Variants in SIPA1L1 observed in about 807,000 individuals in gnomAD.
SIPA1L1 encodes signal induced proliferation associated 1 like 1.
Under a neutral mutation model 162.7 loss-of-function variants are expected in SIPA1L1, and 26 were observed. The ratio of observed to expected loss-of-function variants is 0.16; its 90% CI spans 0.12 to 0.22. The LOEUF (loss-of-function observed/expected upper bound fraction) is 0.22. Ranked by LOEUF, SIPA1L1 falls within the 10% of genes least tolerant of loss-of-function variation. The pLI is 1.00. For synonymous variants in SIPA1L1, 829 were observed against 837.4 expected (o/e 0.99, Z 0.17); for missense variants, 1,874 against 2,241.0 (o/e 0.84, Z 3.31).
chr14:71,739,894 A>G lies in SIPA1L1; in HGVS notation c.*733A>G, dbSNP rs184691564. 6.6e-6 allele frequency: 1 copy of G among 151,750 alleles called. No individual in the cohort carries two copies. Among genetic ancestry groups the G allele is most frequent in the African/African-American group, 2.4e-5 (1 of 41,252 alleles). 9.4% of individuals were successfully genotyped at this position (151,750 alleles called of 1,614,324 possible). A position where few individuals can be genotyped will look rare whatever the true frequency, so the allele number is the denominator to read the frequency against. ...AAGATGGTCCCACTTGTGCTGCAAG[A>G]CTCTTTTTTGTTTGGCTTAATTGAG... On this transcript the variant is annotated 3_prime_UTR_variant, in exon 24 of 24. Transcript: ENST00000381232.
rs976868567 is a variant in SIPA1L1, at chr14:71,358,043, G to A, written c.-465+36862G>A. 2.2e-4 allele frequency among the ~76,000 whole-genome samples: 34 copies of A among 152,102 alleles called. 1 individual carries two copies. Among genetic ancestry groups the A allele is most frequent in the Middle Eastern group, 3.4e-3 (1 of 294 alleles). ...CCTGGCCTCTATTTTTTGTATTTTT[G>A]TAGAGACGGGTTTTGCCATGTTGCC... is the stretch of plus-strand genomic sequence containing the variant. On this transcript the variant is annotated intron_variant, in intron 2 of 23. Coordinates refer to ENST00000381232, the MANE Select transcript of SIPA1L1 (RefSeq NM_001386936.1).
chr14:71,730,806 G>A (rs1364280826), intron 20 of SIPA1L1, among the ~76,000 whole-genome samples: 1 of 152,200 alleles, frequency 6.6e-6, no homozygotes, highest in African/African-American at 2.4e-5. Flanking sequence ...TAAGGAAAAG[G>A]TTTGTGGATG....
intron 10 of SIPA1L1, among the ~76,000 whole-genome samples, 157 bp downstream of exon 10, chr14:71,661,624 A>T (rs1177318914): frequency 6.6e-6 from 1 of 152,142 alleles, no homozygotes; most frequent in African/African-American, 2.4e-5. Flanking sequence ...TCACATGATG[A>T]TGTAATCTGG....
intron 4 of SIPA1L1, among the ~76,000 whole-genome samples, chr14:71,576,811 T>C (rs1014395656): frequency 6.6e-6 from 1 of 152,044 alleles, no homozygotes; most frequent in Admixed American, 6.5e-5. Flanking sequence ...AGGGGCCAGG[T>C]GCAGTAGCTC....
rs554784800 is a variant in SIPA1L1, at chr14:71,484,302, CT to C, written c.-464-28430del. 5.1e-3 allele frequency among the ~76,000 whole-genome samples: 676 copies of C among 131,880 alleles called. 3 individuals are homozygous for C. Among genetic ancestry groups the C allele is most frequent in the Non-Finnish European group, 7.3e-3 (439 of 60,180 alleles). The allele number at this position is 131,880 out of a possible 152,430, so 86.5% of individuals were successfully genotyped here. Reference sequence around the variant, plus strand: ...TTTTTTTTTTTTTTAACTTTCTCATCTTTTTTTTTTTCCTTTTTGAACTTTC... The same window carrying C: ...TTTTTTTTTTTTTTAACTTTCTCATCTTTTTTTTTTCCTTTTTGAACTTTC... On this transcript the variant is annotated intron_variant, in intron 2 of 23. Transcript: ENST00000381232.
At chr14:71,705,199 T>C (rs1441221730) in intron 15 of SIPA1L1, 23 bp from the exon 16 acceptor site, 3 of 1,544,808 alleles carry the variant, frequency 1.9e-6, no homozygotes, top group Non-Finnish European at 2.7e-6. Flanking sequence ...GCCTGCACCA[T>C]AATGTCCTAT....
Position 71,443,939 on chromosome 14 carries a change from C to G in SIPA1L1, c.-464-68804C>G, listed in dbSNP as rs1019741234. ...GTGGAGTACATTCCTTGGCACCTGCCTAGGTAGAAGGGAGAAGAGCCTAGA... is the reference window on the plus strand; with the variant it reads ...GTGGAGTACATTCCTTGGCACCTGCGTAGGTAGAAGGGAGAAGAGCCTAGA... On this transcript the variant is annotated intron_variant, in intron 2 of 23. Coordinates refer to ENST00000381232, the MANE Select transcript of SIPA1L1 (RefSeq NM_001386936.1). Among the ~76,000 whole-genome samples the G allele has an allele frequency of 9.2e-5, 14 of 152,150 alleles. 1 individual carries two copies. The highest frequency in any genetic ancestry group is 2.7e-4 in the African/African-American group (11 of 41,432).
chr14:71,633,313 T>A (rs912635402), intron 7 of SIPA1L1, among the ~76,000 whole-genome samples: 20 of 152,032 alleles, frequency 1.3e-4, no homozygotes, highest in African/African-American at 4.6e-4. Flanking sequence ...TTAGTATTTT[T>A]GTATTTTTAT....
Position 71,735,421 on chromosome 14 carries a change from C to A in SIPA1L1, c.5123+30C>A, listed in dbSNP as rs573705417. 7.7e-6 allele frequency: 11 copies of A among 1,420,662 alleles called. No homozygotes were observed. In the African/African-American group the frequency reaches 1.4e-4, roughly 18 times the overall value. 88.0% of individuals were successfully genotyped at this position (1,420,662 alleles called of 1,614,324 possible). A position where few individuals can be genotyped will look rare whatever the true frequency, so the allele number is the denominator to read the frequency against. ...GTCCCAGTGCAAGGGCAGTACTCTG[C>A]ACCTTGTGTCACATCTGCCACTGAC... is the stretch of plus-strand genomic sequence containing the variant. On this transcript the variant is annotated intron_variant, in intron 22 of 23. Transcript: ENST00000381232.
intron 2 of SIPA1L1, among the ~76,000 whole-genome samples, chr14:71,363,037 TCA>T (rs1220234119): frequency 6.6e-6 from 1 of 152,228 alleles, no homozygotes; most frequent in Non-Finnish European, 1.5e-5. Context: ...ACACGCACAC[TCA>T]CAGTCTCACT....
At chr14:71,361,074 A>G (rs748051471) in intron 2 of SIPA1L1, among the ~76,000 whole-genome samples, 2 of 152,030 alleles carry the variant, frequency 1.3e-5, no homozygotes, top group Non-Finnish European at 1.5e-5. Flanking sequence ...AGCAAACCTC[A>G]CTGTACCCTT....
At chr14:71,734,302 G>A (rs1026018753) in intron 21 of SIPA1L1, among the ~76,000 whole-genome samples, 3 of 152,222 alleles carry the variant, frequency 2.0e-5, no homozygotes, top group East Asian at 1.9e-4. Context: ...CCGTGTGCTC[G>A]CTTTAGGCTG....
chr14:71,660,064 A>T (rs576154118), intron 9 of SIPA1L1, among the ~76,000 whole-genome samples: 2 of 152,114 alleles, frequency 1.3e-5, no homozygotes, highest in Non-Finnish European at 2.9e-5. Flanking sequence ...TGGGTCCTTT[A>T]TTAAGACATT....
intron 2 of SIPA1L1, among the ~76,000 whole-genome samples, chr14:71,494,523 C>CTTTTTTTTTTT (rs201797447): frequency 7.9e-6 from 1 of 126,732 alleles, no homozygotes; most frequent in African/African-American, 2.9e-5. Flanking sequence ...CTTTTCTTTT[C>CTTTTTTTTTTT]TTTTTTTTTT....
intron 8 of SIPA1L1, among the ~76,000 whole-genome samples, chr14:71,651,165 T>C (rs2042587115): frequency 6.6e-6 from 1 of 152,216 alleles, no homozygotes; most frequent in African/African-American, 2.4e-5. Flanking sequence ...CATTCTCAAA[T>C]GCCTATTTTG....
Position 71,588,218 on chromosome 14 carries a change from G to A in SIPA1L1, c.346G>A (p.Val116Met). 6.2e-7 allele frequency: 1 copy of A among 1,614,168 alleles called. No individual in the cohort carries two copies. The highest frequency in any genetic ancestry group is 8.5e-7 in the Non-Finnish European group (1 of 1,180,006). Residue 116 changes from valine to methionine, a missense_variant, in exon 5 of 24, where the codon GTG (valine) becomes ATG (methionine). By Grantham distance (21) the Val-to-Met change is conservative (BLOSUM62 1). Transcript: ENST00000381232. This position sits in a 1 kb window ranked among gnomAD's most constrained non-coding sequence, Gnocchi z 4.3. Reference protein sequence around the residue: ...LDSLSSKSSPVSQGSSVSLNS... With the variant: ...LDSLSSKSSPMSQGSSVSLNS... ...TAGCCTGTCCTCCAAAAGCAGTCCT[G>A]TGAGTCAGGGAAGTTCTGTTAGCCT...
intron 2 of SIPA1L1, among the ~76,000 whole-genome samples, chr14:71,388,802 A>T (rs1286227461): frequency 6.6e-6 from 1 of 152,150 alleles, no homozygotes; most frequent in Non-Finnish European, 1.5e-5. Context: ...TTTGTTTTTA[A>T]ATCAAAACCC....
At chr14:71,371,046 TG>T (rs1218794072) in intron 2 of SIPA1L1, among the ~76,000 whole-genome samples, 1 of 152,072 alleles carries the variant, frequency 6.6e-6, no homozygotes, top group Non-Finnish European at 1.5e-5. Context: ...GGCCACTAAA[TG>T]GGGGAAGTTG....
chr14:71,542,089 A>AT (rs2054436530), intron 4 of SIPA1L1, among the ~76,000 whole-genome samples: 3 of 151,918 alleles, frequency 2.0e-5, no homozygotes, highest in African/African-American at 4.8e-5. Flanking sequence ...CTATATTTTT[A>AT]TTTTTTTAGA....
Sources: allele counts gnomAD v4.1 joint callset (sites outside exome capture counted in the v4.1 genomes callset), GRCh38; gene constraint gnomAD v4.1.1; non-coding constraint Gnocchi (gnomAD v3.1); transcripts MANE v1.5; gene names NCBI Gene and HGNC (gene_info 2026-07-23, HGNC 2026-07-21).